Variants in TBC1D2B observed in about 807,000 individuals in gnomAD.
The protein encoded by TBC1D2B is TBC1 domain family member 2B.
In TBC1D2B, 64 loss-of-function variants were observed where a neutral mutation model predicts 100.8. The observed-to-expected ratio is 0.64, with a 90% CI of 0.52 to 0.78. The LOEUF is 0.78. Among genes scored for constraint, TBC1D2B ranks in the 30% least tolerant of loss-of-function variants. TBC1D2B has a pLI of 0.00. For missense variants in TBC1D2B, 1,052 were observed against 1,218.4 expected (o/e 0.86, Z 2.03); for synonymous variants, 480 against 479.7 (o/e 1.00, Z -0.01).
chr15:78,016,463 G>T, intron 8 of TBC1D2B, 83 bp downstream of exon 8: 8 of 1,311,296 alleles, frequency 6.1e-6, no homozygotes, highest in Non-Finnish European at 8.5e-6. Flanking sequence ...GTTGTGTACG[G>T]CTCTCTGCGA....
chr15:78,059,688 A>G (rs993056095), intron 1 of TBC1D2B, among the ~76,000 whole-genome samples: 3 of 152,144 alleles, frequency 2.0e-5, no homozygotes, highest in African/African-American at 7.2e-5. Flanking sequence ...GGTCTCCAGT[A>G]GCTCAAAACC....
At chr15:78,058,493 T>C (rs907507422) in intron 1 of TBC1D2B, among the ~76,000 whole-genome samples, 10 of 152,246 alleles carry the variant, frequency 6.6e-5, no homozygotes, top group African/African-American at 1.9e-4. Flanking sequence ...GCCCCAGCTA[T>C]AGTGCCTTTA....
chr15:78,013,447 A>C (rs2072288467), intron 8 of TBC1D2B, 130 bp from the exon 9 acceptor site: 1 of 885,242 alleles, frequency 1.1e-6, no homozygotes, highest in African/African-American at 1.7e-5. Flanking sequence ...AAGCATTTCA[A>C]ATCAGTGAGG....
intron 2 of TBC1D2B, among the ~76,000 whole-genome samples, chr15:78,047,820 G>T (rs537449751): frequency 1.2e-4 from 18 of 152,198 alleles, no homozygotes; most frequent in South Asian, 8.3e-4. Flanking sequence ...GGGGGCAGGG[G>T]GTGCTCAATG....
intron 10 of TBC1D2B, among the ~76,000 whole-genome samples, chr15:78,004,219 G>A (rs948809194): frequency 1.3e-5 from 2 of 152,304 alleles, no homozygotes; most frequent in African/African-American, 2.4e-5. Flanking sequence ...TGGGCAGAGC[G>A]TTGAATAAAG....
rs542930758 is a variant in TBC1D2B at position 78,075,720 on chromosome 15, T to C, written c.360+1573A>G. Among the ~76,000 whole-genome samples, 7 of 152,240 alleles carry C rather than the reference T, an allele frequency of 4.6e-5. No homozygotes were observed. The South Asian group carries it at 1.0e-3, about 23-fold the overall frequency. On this transcript the variant is annotated intron_variant, in intron 1 of 12. Coordinates refer to ENST00000300584, the MANE Select transcript of TBC1D2B (RefSeq NM_144572.2). ...TGTGTAGGACTGCAACCCGAGTTGG[T>C]TTTCTTTGGGGAAACAGGCTGTCTG...
chr15:78,076,542 C>G (rs1189039975), intron 1 of TBC1D2B, among the ~76,000 whole-genome samples: 1 of 151,360 alleles, frequency 6.6e-6, no homozygotes, highest in Non-Finnish European at 1.5e-5. Context: ...CCCAGGAGTT[C>G]GAGACTAGCC....
chr15:78,034,998 T>A (rs530320069), intron 3 of TBC1D2B, among the ~76,000 whole-genome samples: 1 of 151,874 alleles, frequency 6.6e-6, no homozygotes, highest in African/African-American at 2.4e-5. Context: ...GGCGTTTTTT[T>A]AGCTGGTGTT....
chr15:78,061,936 G>A (rs1373269385), intron 1 of TBC1D2B, among the ~76,000 whole-genome samples: 3 of 152,212 alleles, frequency 2.0e-5, no homozygotes, highest in Admixed American at 2.0e-4. Context: ...AATTCACACG[G>A]GAAGGTTTAG....
intron 1 of TBC1D2B, among the ~76,000 whole-genome samples, chr15:78,074,165 A>G (rs1455952336): frequency 6.6e-6 from 1 of 151,632 alleles, no homozygotes; most frequent in Non-Finnish European, 1.5e-5. Context: ...CTGGGACTAC[A>G]GCGTGCGCCA....
chr15:78,006,421 A>T (rs1382225297), intron 10 of TBC1D2B, among the ~76,000 whole-genome samples: 1 of 152,210 alleles, frequency 6.6e-6, no homozygotes, highest in Non-Finnish European at 1.5e-5. Flanking sequence ...TTAGCAAGTG[A>T]AGCAATCACA....
Position 78,077,299 on chromosome 15 carries a change from C to T in TBC1D2B, c.354G>A (p.Val118=), listed in dbSNP as rs1338925426. The stretch of plus-strand genomic sequence containing the variant: ...TTGGGGCGAGCGGTCCCACCTTGAG[C>T]ACCGTGACGGCTCCCGCGCTGTGCA... ...FQVHSAGAVT[V]LKAPNRQLMT... Residue 118 remains valine (V), a synonymous_variant, in exon 1 of 13, where the codon GTG becomes GTA. Transcript: ENST00000300584. 1.3e-6 allele frequency: 2 copies of T among 1,514,136 alleles called. No homozygotes were observed. Among genetic ancestry groups the T allele is most frequent in the South Asian group, 1.2e-5 (1 of 80,384 alleles). The allele number at this position is 1,514,136 out of a possible 1,614,324, so 93.8% of individuals were successfully genotyped here.
chr15:78,064,366 A>G lies in TBC1D2B; in HGVS notation c.361-10179T>C, dbSNP rs72732555. ...ATTAGCCAAAAGAACAACATAACCA[A>G]CAATCACGAAGGAGCCACAGGAAGG... On this transcript the variant is annotated intron_variant, in intron 1 of 12. Transcript: ENST00000300584. 2.7e-3 allele frequency among the ~76,000 whole-genome samples: 410 copies of G among 152,340 alleles called. 2 individuals are homozygous for G. The highest frequency in any genetic ancestry group is 4.4e-3 in the Non-Finnish European group (300 of 68,022).
At chr15:78,068,805 C>T (rs1367448090) in intron 1 of TBC1D2B, among the ~76,000 whole-genome samples, 1 of 152,238 alleles carries the variant, frequency 6.6e-6, no homozygotes, top group African/African-American at 2.4e-5. Flanking sequence ...TAACTAGTCA[C>T]CACTACCCAG....
At chr15:78,060,363 C>T (rs1400328279) in intron 1 of TBC1D2B, among the ~76,000 whole-genome samples, 3 of 152,006 alleles carry the variant, frequency 2.0e-5, no homozygotes, top group African/African-American at 4.8e-5. Context: ...AGAGGCCAGG[C>T]GCAGTGGCTC....
chr15:78,044,240 T>C (rs981089677), intron 3 of TBC1D2B, among the ~76,000 whole-genome samples: 4 of 152,192 alleles, frequency 2.6e-5, no homozygotes, highest in East Asian at 3.8e-4. Context: ...AATCATTGAA[T>C]TGTACATTTT....
intron 2 of TBC1D2B, among the ~76,000 whole-genome samples, chr15:78,046,947 T>C (rs1392660309): frequency 6.6e-6 from 1 of 152,178 alleles, no homozygotes; most frequent in Non-Finnish European, 1.5e-5. Context: ...TGTAGGCAGG[T>C]TCTGACTTGA....
chr15:78,036,270 A>G (rs557564968), intron 3 of TBC1D2B, among the ~76,000 whole-genome samples: 17 of 152,324 alleles, frequency 1.1e-4, no homozygotes, highest in Admixed American at 2.0e-4. Flanking sequence ...CGCTTATTGC[A>G]ATGAAGTACA....
At chr15:78,055,242 T>C (rs1567031633) in intron 1 of TBC1D2B, among the ~76,000 whole-genome samples, 2 of 29,094 alleles carry the variant, frequency 6.9e-5, no homozygotes, top group Non-Finnish European at 3.3e-4. Flanking sequence ...ATCATGGTTC[T>C]GGGTAAAGTC....
Sources: gnomAD v4.1 joint callset for allele counts (sites outside exome capture counted in the v4.1 genomes callset) on GRCh38, gnomAD v4.1.1 for gene constraint, MANE v1.5 for transcripts, NCBI Gene and HGNC (gene_info 2026-07-23, HGNC 2026-07-21) for gene names.